PTPRT: variants seen among roughly 807,000 people sequenced by gnomAD.
The protein encoded by PTPRT is protein tyrosine phosphatase receptor type T, also known as receptor-type tyrosine-protein phosphatase T.
A neutral mutation model predicts 176.8 loss-of-function variants in PTPRT; 56 were observed. That is an observed-to-expected ratio of 0.32 (90% CI 0.26 to 0.40). The LOEUF (loss-of-function observed/expected upper bound fraction) is 0.40, where lower values mean the gene tolerates loss of function less well. Among genes scored for constraint, PTPRT ranks in the 10% least tolerant of loss-of-function variants. PTPRT has a pLI of 1.00. For missense variants in PTPRT, 1,540 were observed against 1,908.2 expected (o/e 0.81, Z 3.60); for synonymous variants, 783 against 739.0 (o/e 1.06, Z -0.96).
At chr20:42,414,598 A>G (rs772299872) in intron 9 of PTPRT, among the ~76,000 whole-genome samples, 1 of 152,228 alleles carries the variant, frequency 6.6e-6, no homozygotes, top group Non-Finnish European at 1.5e-5. Context: ...TGTACAATAA[A>G]CAGAAAATGC....
At chr20:43,188,013 C>T (rs1362927338) in intron 1 of PTPRT, among the ~76,000 whole-genome samples, 2 of 152,166 alleles carry the variant, frequency 1.3e-5, no homozygotes, top group African/African-American at 4.8e-5. Flanking sequence ...TACCCAAGAA[C>T]GATTCGAGAC....
At chr20:42,869,744 A>G (rs1278569940) in intron 2 of PTPRT, among the ~76,000 whole-genome samples, 3 of 152,214 alleles carry the variant, frequency 2.0e-5, no homozygotes, top group Non-Finnish European at 4.4e-5. Context: ...TGAGAAGGAC[A>G]TGGATTTTGG....
At chr20:42,715,861 T>C (rs62205382) in intron 6 of PTPRT, among the ~76,000 whole-genome samples, 31,840 of 152,174 alleles carry the variant, frequency 0.21, 3,538 homozygotes, top group East Asian at 0.25. Flanking sequence ...ATATTGGTGC[T>C]AAAGCTTGTA....
At chr20:42,235,322 G>C (rs1433650307) in intron 15 of PTPRT, among the ~76,000 whole-genome samples, 1 of 151,902 alleles carries the variant, frequency 6.6e-6, no homozygotes, top group Non-Finnish European at 1.5e-5. Context: ...GAGCGCAATG[G>C]TACGATTTTG....
chr20:42,882,552 C>G (rs2079025671), intron 2 of PTPRT, among the ~76,000 whole-genome samples: 1 of 152,140 alleles, frequency 6.6e-6, no homozygotes. Context: ...AATACATGAT[C>G]AGTTAGTAAA....
chr20:42,526,324 C>T (rs952806907), intron 7 of PTPRT, among the ~76,000 whole-genome samples: 1 of 152,110 alleles, frequency 6.6e-6, no homozygotes, highest in African/African-American at 2.4e-5. Context: ...CTAATGCTTT[C>T]TAACGTTTTA....
intron 11 of PTPRT, among the ~76,000 whole-genome samples, chr20:42,335,102 T>C (rs970486530): frequency 2.6e-5 from 4 of 152,194 alleles, no homozygotes; most frequent in African/African-American, 9.7e-5. Flanking sequence ...TGAGTAAGAA[T>C]GGATTTTATT....
chr20:42,800,669 T>C (rs992454298), intron 2 of PTPRT, among the ~76,000 whole-genome samples: 4 of 152,196 alleles, frequency 2.6e-5, no homozygotes, highest in Non-Finnish European at 4.4e-5. Flanking sequence ...GTCTTATATA[T>C]AGCATGTTTG....
At chr20:42,803,849 T>G (rs751094623) in intron 2 of PTPRT, among the ~76,000 whole-genome samples, 11 of 152,208 alleles carry the variant, frequency 7.2e-5, no homozygotes, top group Non-Finnish European at 1.5e-4. Flanking sequence ...CCACCGCGCC[T>G]GGCCTAGCCT....
At position 42,791,364 on chromosome 20, in the gene PTPRT, T is replaced by C. The variant is rs1298789381; in HGVS notation, c.317A>G (p.His106Arg). The stretch of plus-strand genomic sequence containing the variant: ...CCTGTCACGGCTGGAGAAGTAGTAA[T>C]GGAAGTCGATGCAGTGGGTGTCATT... The part of the protein sequence containing the change: ...KENDTHCIDF[H>R]YYFSSRDRSS... Residue 106 changes from histidine to arginine, a missense_variant, in exon 3 of 31, where the codon CAT becomes CGT. His to Arg is a conservative substitution (Grantham distance 29). Coordinates refer to ENST00000373187, the MANE Select transcript of PTPRT (RefSeq NM_007050.6). The C allele has an allele frequency of 6.2e-7, 1 of 1,614,200 alleles. No homozygotes were observed. The highest frequency in any genetic ancestry group is 1.3e-5 in the African/African-American group (1 of 75,056).
intron 7 of PTPRT, among the ~76,000 whole-genome samples, chr20:42,628,913 T>A (rs1569031863): frequency 6.6e-6 from 1 of 152,180 alleles, no homozygotes; most frequent in Non-Finnish European, 1.5e-5. Flanking sequence ...CTGAAAAAGT[T>A]TGCCAACCCC....
At chr20:42,118,888 G>T (rs1370805882) in intron 20 of PTPRT, among the ~76,000 whole-genome samples, 1 of 151,904 alleles carries the variant, frequency 6.6e-6, no homozygotes. Flanking sequence ...AGACAGGAAG[G>T]CAACTGGGGT....
At chr20:42,573,745 C>CTTTTTTTTTTT (rs201228742) in intron 7 of PTPRT, among the ~76,000 whole-genome samples, 25 of 115,482 alleles carry the variant, frequency 2.2e-4, no homozygotes, top group African/African-American at 3.1e-4. Flanking sequence ...CCCTTTCTTT[C>CTTTTTTTTTTT]TTTCTTTTTT....
At chr20:42,218,504 T>C (rs1403625173) in intron 15 of PTPRT, among the ~76,000 whole-genome samples, 1 of 152,212 alleles carries the variant, frequency 6.6e-6, no homozygotes. Context: ...TGAAGACTTC[T>C]CTAAACTCTG....
At chr20:42,164,038 A>G (rs1989721639) in intron 16 of PTPRT, among the ~76,000 whole-genome samples, 1 of 152,250 alleles carries the variant, frequency 6.6e-6, no homozygotes, top group Non-Finnish European at 1.5e-5. Context: ...AGAGCCACAG[A>G]GGTATGGATG....
chr20:42,351,587 G>A (rs2058284840), intron 10 of PTPRT, among the ~76,000 whole-genome samples: 1 of 152,158 alleles, frequency 6.6e-6, no homozygotes, highest in African/African-American at 2.4e-5. Context: ...TGTAAAAAAG[G>A]TTCTGAAATA....
At chr20:42,380,810 C>T (rs529387022) in intron 9 of PTPRT, among the ~76,000 whole-genome samples, 5 of 152,144 alleles carry the variant, frequency 3.3e-5, no homozygotes, top group African/African-American at 1.2e-4. Context: ...TGTGTTAGTC[C>T]GTTTTTGCAT....
At chr20:42,313,466 C>G (rs1461927364) in intron 12 of PTPRT, among the ~76,000 whole-genome samples, 4 of 152,132 alleles carry the variant, frequency 2.6e-5, no homozygotes, top group African/African-American at 9.7e-5. Context: ...TCAGGGCCAA[C>G]CACTCTTATG....
At chr20:43,156,238 T>C (rs371333168) in intron 1 of PTPRT, among the ~76,000 whole-genome samples, 5 of 152,316 alleles carry the variant, frequency 3.3e-5, no homozygotes, top group South Asian at 2.1e-4. Context: ...AAGCTCCACC[T>C]GCATCAGGCA....
Sources: gnomAD v4.1 joint callset for allele counts (sites outside exome capture counted in the v4.1 genomes callset) on GRCh38, gnomAD v4.1.1 for gene constraint, MANE v1.5 for transcripts, NCBI Gene and HGNC (gene_info 2026-07-23, HGNC 2026-07-21) for gene names.